The following ZNF66 variants were observed in gnomAD, a reference collection of about 807,000 sequenced individuals.
ZNF66 encodes putative zinc finger protein 66.
Under a neutral mutation model 35.2 loss-of-function variants are expected in ZNF66, and 32 were observed. That is an observed-to-expected ratio of 0.91 (90% CI 0.69 to 1.22). The LOEUF (loss-of-function observed/expected upper bound fraction) is 1.22, where lower values mean the gene tolerates loss of function less well. Ranked by LOEUF, ZNF66 falls within the 50% of genes most tolerant of loss-of-function variation. The pLI is 0.00. For synonymous variants in ZNF66, 231 were observed against 181.3 expected (o/e 1.27, Z -2.20); for missense variants, 666 against 543.1 (o/e 1.23, Z -2.25).
intron 1 of ZNF66, among the ~76,000 whole-genome samples, 192 bp from the exon 2 acceptor site, chr19:20,792,320 T>C (rs1971345403): frequency 1.3e-5 from 2 of 152,266 alleles, no homozygotes; most frequent in African/African-American, 4.8e-5. Flanking sequence ...GTGGATCTTA[T>C]GTTCCTTTAT....
intron 3 of ZNF66, among the ~76,000 whole-genome samples, chr19:20,797,109 C>G (rs1306963671): frequency 6.7e-6 from 1 of 150,064 alleles, no homozygotes; most frequent in African/African-American, 2.5e-5. Flanking sequence ...CCTTGGCCTT[C>G]CAAAGTGTTG....
chr19:20,780,043 G>A (rs1971232166), intron 1 of ZNF66, among the ~76,000 whole-genome samples: 1 of 151,830 alleles, frequency 6.6e-6, no homozygotes, highest in South Asian at 2.1e-4. Flanking sequence ...CCCAGGAGGT[G>A]GAGGTTGCTG....
At chr19:20,790,017 A>G (rs773568068) in intron 1 of ZNF66, among the ~76,000 whole-genome samples, 2 of 152,186 alleles carry the variant, frequency 1.3e-5, no homozygotes, top group Non-Finnish European at 2.9e-5. Flanking sequence ...TTCTCTAACT[A>G]ATGTAAATAA....
intron 3 of ZNF66, among the ~76,000 whole-genome samples, chr19:20,804,203 A>G (rs1426118026): frequency 5.9e-5 from 9 of 151,618 alleles, no homozygotes; most frequent in East Asian, 1.9e-4. Flanking sequence ...CTGTGTTCCT[A>G]TTTAACTTAC....
rs542035328 is a variant in ZNF66 at position 20,809,141 on chromosome 19, T to A, written c.*1819T>A. Among the ~76,000 whole-genome samples, 7 of 148,930 alleles carry A rather than the reference T, an allele frequency of 4.7e-5. No individual in the cohort carries two copies. In the East Asian group the frequency reaches 1.4e-3, roughly 29 times the overall value. ...AGAAGGGAAGTTTAGAGAAAAAAAA[T>A]TAAAAAGAAACAAAGTCTCCAAGAA... is the stretch of plus-strand genomic sequence containing the variant. On this transcript the variant is annotated 3_prime_UTR_variant, in exon 4 of 4. Coordinates refer to ENST00000344519, the MANE Select transcript of ZNF66 (RefSeq NM_001355197.2).
chr19:20,798,148 T>C (rs1204683163), intron 3 of ZNF66, among the ~76,000 whole-genome samples: 1 of 152,188 alleles, frequency 6.6e-6, no homozygotes, highest in Admixed American at 6.5e-5. Flanking sequence ...ACCATGTGTT[T>C]AGTAATTAAT....
At position 20,806,563 on chromosome 19, in the gene ZNF66, C is replaced by G. The variant is rs766983685; in HGVS notation, c.963C>G (p.Ala321=). 7 of 1,575,432 alleles carry G rather than the reference C, an allele frequency of 4.4e-6. No homozygotes were observed. Residue 321 remains alanine (A), a synonymous_variant, in exon 4 of 4, where the codon GCC becomes GCG. Coordinates refer to ENST00000344519, the MANE Select transcript of ZNF66 (RefSeq NM_001355197.2). ...ACAAATGTGAAGAATGTGGTAAAGC[C>G]TTCAACTGGTCCTCACACCTTACTA... ...KPYKCEECGK[A]FNWSSHLTTH...
Position 20,792,643 on chromosome 19 carries a change from GA to G in ZNF66, c.130+10del. 1 of 1,356,554 alleles carries G rather than the reference GA, an allele frequency of 7.4e-7. No homozygotes were observed. The highest frequency in any genetic ancestry group is 1.5e-5 in the African/African-American group (1 of 68,090). 84.0% of individuals were successfully genotyped at this position (1,356,554 alleles called of 1,614,324 possible). The stretch of plus-strand genomic sequence containing the variant: ...ACAGAAACCTGGTCTTTCTTGGTGA[GA>G]AAAACTTTAATACATAACTCATAAT... On this transcript the variant is annotated splice_donor_region_variant and intron_variant, in intron 2 of 3. Transcript: ENST00000344519.
intron 2 of ZNF66, among the ~76,000 whole-genome samples, chr19:20,793,323 TTTTCTTTTC>T (rs1274559186): frequency 1.3e-4 from 9 of 71,888 alleles, no homozygotes; most frequent in African/African-American, 2.9e-4. Flanking sequence ...TTTTCTTTTC[TTTTCTTTTC>T]TTTTTTTTTT....
At chr19:20,780,832 G>A (rs551459450) in intron 1 of ZNF66, among the ~76,000 whole-genome samples, 1 of 152,198 alleles carries the variant, frequency 6.6e-6, no homozygotes, top group African/African-American at 2.4e-5. Context: ...AAAACTTAGA[G>A]GACAGGAGCT....
In ZNF66 at chr19:20,781,629, C is replaced by T. The variant is rs184976738; in HGVS notation, c.3+5179C>T. On this transcript the variant is annotated intron_variant, in intron 1 of 3. Coordinates refer to ENST00000344519, the MANE Select transcript of ZNF66 (RefSeq NM_001355197.2). ...GTTCAAGTGATTCTCCTGCCTCAGC[C>T]TCATGAGTAGCTGGGATTACAGGTG... Among the ~76,000 whole-genome samples, 10 of 152,050 alleles carry T rather than the reference C, an allele frequency of 6.6e-5. No individual in the cohort carries two copies. In the East Asian group the frequency reaches 1.6e-3, roughly 24 times the overall value.
At chr19:20,800,589 C>CTT (rs1163372984) in intron 3 of ZNF66, among the ~76,000 whole-genome samples, 21 of 152,086 alleles carry the variant, frequency 1.4e-4, no homozygotes, top group Non-Finnish European at 2.9e-4. Flanking sequence ...AGATTAGACT[C>CTT]TATCAATTCA....
At chr19:20,794,542 A>G (rs1047312613) in intron 3 of ZNF66, 2 of 151,640 alleles carry the variant, frequency 1.3e-5, no homozygotes, top group African/African-American at 4.8e-5. Flanking sequence ...GGATAATATG[A>G]TTCTTTAATA....
intron 3 of ZNF66, among the ~76,000 whole-genome samples, chr19:20,803,624 C>T (rs1361057245): frequency 6.6e-6 from 1 of 151,774 alleles, no homozygotes; most frequent in Non-Finnish European, 1.5e-5. Context: ...TTTTCTGCAC[C>T]ATTATGATAA....
chr19:20,799,954 T>C (rs899206520), intron 3 of ZNF66, among the ~76,000 whole-genome samples: 17 of 152,340 alleles, frequency 1.1e-4, no homozygotes, highest in African/African-American at 3.8e-4. Flanking sequence ...ACTTTTGCTT[T>C]TAATTCCTAG....
chr19:20,796,314 AT>A (rs1971392364), intron 3 of ZNF66, among the ~76,000 whole-genome samples: 1 of 151,226 alleles, frequency 6.6e-6, no homozygotes, highest in Admixed American at 6.6e-5. Flanking sequence ...TTTACTTTCT[AT>A]TTTCTCTTTC....
In ZNF66 at chr19:20,805,860, C is replaced by G. The variant is rs771174604; in HGVS notation, c.260C>G (p.Pro87Arg). 2.1e-5 allele frequency: 13 copies of G among 616,094 alleles called. No homozygotes were observed. Among genetic ancestry groups the G allele is most frequent in the Non-Finnish European group, 2.9e-5 (10 of 340,668 alleles). The allele number at this position is 616,094 out of a possible 1,614,324, so 38.2% of individuals were successfully genotyped here. A position where few individuals can be genotyped will look rare whatever the true frequency, so the allele number is the denominator to read the frequency against. ...TCTCATTTTAACCAAGACCTTTGGC[C>G]AGAGCAGAGCATAAAAGATTCTTTC... ...LCSHFNQDLW[P>R]EQSIKDSFQK... The change falls in exon 4 of 4, where the codon CCA (proline) becomes CGA (arginine). Residue 87 changes from proline to arginine, a missense_variant. Coordinates refer to ENST00000344519, the MANE Select transcript of ZNF66 (RefSeq NM_001355197.2).
At position 20,809,391 on chromosome 19, in the gene ZNF66, A is replaced by C. The variant is rs984928306; in HGVS notation, c.*2069A>C. Among the ~76,000 whole-genome samples, 18 of 152,086 alleles carry C rather than the reference A, an allele frequency of 1.2e-4. No individual in the cohort carries two copies. Among genetic ancestry groups the C allele is most frequent in the African/African-American group, 4.1e-4 (17 of 41,424 alleles). ...GACACATAATTGTCAGATTCACCAA[A>C]GTTGAAATGAAGGAAAAAATGTTAA... On this transcript the variant is annotated 3_prime_UTR_variant, in exon 4 of 4. Coordinates refer to ENST00000344519, the MANE Select transcript of ZNF66 (RefSeq NM_001355197.2).
chr19:20,791,831 CTT>C (rs145085886), intron 1 of ZNF66, among the ~76,000 whole-genome samples: 4 of 151,998 alleles, frequency 2.6e-5, no homozygotes, highest in East Asian at 1.9e-4. Flanking sequence ...CTCTGACAGA[CTT>C]TTTTTTACTA....
Sources: allele counts gnomAD v4.1 joint callset (sites outside exome capture counted in the v4.1 genomes callset), GRCh38; gene constraint gnomAD v4.1.1; transcripts MANE v1.5; gene names NCBI Gene and HGNC (gene_info 2026-07-23, HGNC 2026-07-21).